The following RERE variants were observed in gnomAD, a reference collection of about 807,000 sequenced individuals.
RERE encodes the protein arginine-glutamic acid dipeptide repeats.
A neutral mutation model predicts 146.1 loss-of-function variants in RERE; 40 were observed. The ratio of observed to expected loss-of-function variants is 0.27; its 90% CI spans 0.21 to 0.36. RERE has a LOEUF of 0.36. Ranked by LOEUF, RERE falls within the 10% of genes least tolerant of loss-of-function variation. RERE has a pLI of 1.00. For missense variants in RERE, 1,933 were observed against 2,138.7 expected (o/e 0.90, Z 1.90); for synonymous variants, 1,003 against 866.0 (o/e 1.16, Z -2.78).
intron 12 of RERE, among the ~76,000 whole-genome samples, chr1:8,371,995 C>T (rs1475644961): frequency 6.6e-6 from 1 of 152,198 alleles, no homozygotes; most frequent in Non-Finnish European, 1.5e-5. Flanking sequence ...AAACACTATC[C>T]ACCAACACAA....
intron 7 of RERE, among the ~76,000 whole-genome samples, chr1:8,529,937 G>A (rs1244477544): frequency 6.6e-6 from 1 of 152,032 alleles, no homozygotes; most frequent in East Asian, 1.9e-4. Context: ...AGTGCTTAAG[G>A]GCATCCCAGA....
chr1:8,762,019 T>C (rs920689993), intron 1 of RERE, among the ~76,000 whole-genome samples: 3 of 152,224 alleles, frequency 2.0e-5, no homozygotes, highest in Admixed American at 6.5e-5. Context: ...ATAGCTATCC[T>C]AAAACACAAC....
chr1:8,788,831 G>A (rs900463390), intron 1 of RERE, among the ~76,000 whole-genome samples: 2 of 151,778 alleles, frequency 1.3e-5, no homozygotes, highest in Non-Finnish European at 2.9e-5. Flanking sequence ...GAGCACACAG[G>A]GTAGCAAAGC....
chr1:8,648,630 C>G (rs1647440875), intron 2 of RERE, among the ~76,000 whole-genome samples: 1 of 152,098 alleles, frequency 6.6e-6, no homozygotes. Flanking sequence ...TGAATTTTTT[C>G]CAGCTTAAAT....
intron 1 of RERE, among the ~76,000 whole-genome samples, chr1:8,792,241 A>G (rs1237037047): frequency 6.6e-6 from 1 of 152,238 alleles, no homozygotes; most frequent in Non-Finnish European, 1.5e-5. Flanking sequence ...GCACATAAAA[A>G]CAAACATAAG....
chr1:8,660,290 G>C (rs191755925), intron 1 of RERE, among the ~76,000 whole-genome samples: 103 of 152,264 alleles, frequency 6.8e-4, no homozygotes, highest in African/African-American at 2.3e-3. Flanking sequence ...ACATACCAAT[G>C]ATGTGACAGA....
intron 2 of RERE, among the ~76,000 whole-genome samples, chr1:8,653,663 C>G (rs1185123732): frequency 1.4e-5 from 2 of 147,604 alleles, no homozygotes; most frequent in Non-Finnish European, 3.0e-5. Flanking sequence ...CCACTGCACT[C>G]CAGCCTAAGC....
chr1:8,396,853 A>T (rs75969503), intron 12 of RERE, among the ~76,000 whole-genome samples: 1 of 152,232 alleles, frequency 6.6e-6, no homozygotes, highest in African/African-American at 2.4e-5. Context: ...TCTTTGTGAT[A>T]TATCATGCTT....
intron 11 of RERE, among the ~76,000 whole-genome samples, chr1:8,438,809 T>G (rs1644206072): frequency 6.6e-6 from 1 of 152,218 alleles, no homozygotes; most frequent in African/African-American, 2.4e-5. Flanking sequence ...ATAATCCAAC[T>G]AAGTAAAAAT....
chr1:8,680,737 T>C, intron 1 of RERE, among the ~76,000 whole-genome samples: 1 of 152,278 alleles, frequency 6.6e-6, no homozygotes, highest in South Asian at 2.1e-4. Flanking sequence ...GGAAAAGAAT[T>C]GTACCTCCTC....
intron 10 of RERE, among the ~76,000 whole-genome samples, chr1:8,478,037 G>A (rs950161691): frequency 5.3e-5 from 8 of 152,310 alleles, no homozygotes; most frequent in South Asian, 4.1e-4. Context: ...AGGCCCTGGA[G>A]AGCCAGGAAG....
Position 8,633,452 on chromosome 1 carries a change from CAG to C in RERE, c.326-9074_326-9073del, listed in dbSNP as rs1224161634. The stretch of plus-strand genomic sequence containing the variant: ...ACACGCACGTGCGCACGCACACACA[CAG>C]ACACACACACACACACACACACAAA... On this transcript the variant is annotated intron_variant, in intron 2 of 22. Coordinates refer to ENST00000400908, the MANE Select transcript of RERE (RefSeq NM_001042681.2). Among the ~76,000 whole-genome samples the C allele has an allele frequency of 1.7e-3, 256 of 150,388 alleles. 3 individuals carry two copies. In the East Asian group the frequency reaches 0.044, roughly 26 times the overall value.
chr1:8,363,336 C>A (rs1051327575), intron 15 of RERE, among the ~76,000 whole-genome samples: 1 of 152,252 alleles, frequency 6.6e-6, no homozygotes, highest in Non-Finnish European at 1.5e-5. Context: ...CCGCCAAGCG[C>A]TTCAGCATGT....
rs796207341 is a variant in RERE, at chr1:8,375,625, C to T, written c.1285-9651G>A. ...CCTCGCTCAGCAGCCACTGAAAATG[C>T]TTCCTCACTCAGCAGCCACTGAAAA... is the stretch of plus-strand genomic sequence containing the variant. On this transcript the variant is annotated intron_variant, in intron 12 of 22. Transcript: ENST00000400908. 7.8e-4 allele frequency among the ~76,000 whole-genome samples: 90 copies of T among 116,098 alleles called. 1 individual carries two copies. The highest frequency in any genetic ancestry group is 1.4e-3 in the East Asian group (4 of 2,830). The allele number at this position is 116,098 out of a possible 152,430, so 76.2% of individuals were successfully genotyped here. A position where few individuals can be genotyped will look rare whatever the true frequency, so the allele number is the denominator to read the frequency against.
At position 8,353,887 on chromosome 1, in the gene RERE, C is replaced by T. The variant is rs1319090759; in HGVS notation, c.*1200G>A. On this transcript the variant is annotated 3_prime_UTR_variant, in exon 23 of 23. Coordinates refer to ENST00000400908, the MANE Select transcript of RERE (RefSeq NM_001042681.2). ...GCTCAAAAGTGGCCTCAATCTGTGG[C>T]AAGAAAGATGGGGCCGTCCTCACCA... is the stretch of plus-strand genomic sequence containing the variant. 1 of 152,610 alleles carries T rather than the reference C, an allele frequency of 6.6e-6. No homozygotes were observed. Among genetic ancestry groups the T allele is most frequent in the Non-Finnish European group, 1.5e-5 (1 of 68,040 alleles). 9.5% of individuals were successfully genotyped at this position (152,610 alleles called of 1,614,324 possible). A position where few individuals can be genotyped will look rare whatever the true frequency, so the allele number is the denominator to read the frequency against.
At chr1:8,536,631 G>A (rs1242505974) in intron 7 of RERE, among the ~76,000 whole-genome samples, 1 of 152,170 alleles carries the variant, frequency 6.6e-6, no homozygotes, top group African/African-American at 2.4e-5. Flanking sequence ...GGCAGACTCT[G>A]GATCAGACCC....
chr1:8,539,269 T>C (rs1218345243), intron 7 of RERE, among the ~76,000 whole-genome samples: 2 of 152,346 alleles, frequency 1.3e-5, no homozygotes, highest in Non-Finnish European at 2.9e-5. Flanking sequence ...TAAATGCATA[T>C]GTAAAATAAA....
At chr1:8,677,608 G>A (rs1472041947) in intron 1 of RERE, among the ~76,000 whole-genome samples, 2 of 152,012 alleles carry the variant, frequency 1.3e-5, no homozygotes, top group African/African-American at 2.4e-5. Flanking sequence ...TATGTTTCAT[G>A]TACCATCTCC....
intron 7 of RERE, among the ~76,000 whole-genome samples, chr1:8,538,989 A>T (rs987445929): frequency 6.6e-6 from 1 of 152,224 alleles, no homozygotes; most frequent in African/African-American, 2.4e-5. Flanking sequence ...GTTACATATT[A>T]CTTTTAATAA....
Sources: allele counts gnomAD v4.1 joint callset (sites outside exome capture counted in the v4.1 genomes callset), GRCh38; gene constraint gnomAD v4.1.1; transcripts MANE v1.5; gene names NCBI Gene and HGNC (gene_info 2026-07-23, HGNC 2026-07-21).